The following CACNA1C variants were observed in gnomAD, a reference collection of about 807,000 sequenced individuals.
CACNA1C encodes the protein calcium voltage-gated channel subunit alpha1 C.
A neutral mutation model predicts 229.0 loss-of-function variants in CACNA1C; 30 were observed. The ratio of observed to expected loss-of-function variants is 0.13; its 90% CI spans 0.10 to 0.18. CACNA1C has a LOEUF of 0.18. Among genes scored for constraint, CACNA1C ranks in the 10% least tolerant of loss-of-function variants. The pLI is 1.00. For missense variants in CACNA1C, 1,658 were observed against 2,845.0 expected (o/e 0.58, Z 9.49); for synonymous variants, 1,114 against 1,132.5 (o/e 0.98, Z 0.33).
At chr12:2,230,124 G>C (rs1371299011) in intron 3 of CACNA1C, among the ~76,000 whole-genome samples, 1 of 149,942 alleles carries the variant, frequency 6.7e-6, no homozygotes, top group African/African-American at 2.5e-5. Context: ...CGCGGCCCTC[G>C]CTGACTGTGC....
Position 2,215,862 on chromosome 12 carries a change from AAC to A in CACNA1C, c.477+95435_477+95436del, listed in dbSNP as rs898274576. On this transcript the variant is annotated intron_variant, in intron 3 of 46. Coordinates refer to ENST00000399655, the MANE Select transcript of CACNA1C (RefSeq NM_000719.7). The surrounding 1 kb of genome is among the most constrained non-coding windows in gnomAD (Gnocchi z 5.0). ...AGCTGATGGCGAATCTGTGTCCTAGAACACGCCCTGCTGCCACCAGTGTGACA... is the reference window on the plus strand; with the variant it reads ...AGCTGATGGCGAATCTGTGTCCTAGAACGCCCTGCTGCCACCAGTGTGACA... 2.6e-5 allele frequency among the ~76,000 whole-genome samples: 4 copies of A among 152,162 alleles called. No homozygotes were observed. Among genetic ancestry groups the A allele is most frequent in the African/African-American group, 9.7e-5 (4 of 41,444 alleles).
At position 1,976,286 on chromosome 12, in the gene CACNA1C, A is replaced by G. The variant is rs182741371; in HGVS notation, c.139+5085A>G. On this transcript the variant is annotated intron_variant, in intron 1 of 46. Coordinates refer to the CACNA1C transcript ENST00000682462. ...GCAATGGTGCATAATAAATAGATCAATTTTTCAGTCGGAATGGCAAAGGAG... is the reference window on the plus strand; with the variant it reads ...GCAATGGTGCATAATAAATAGATCAGTTTTTCAGTCGGAATGGCAAAGGAG... 2.5e-3 allele frequency among the ~76,000 whole-genome samples: 376 copies of G among 152,310 alleles called. 7 individuals carry two copies. The highest frequency in any genetic ancestry group is 1.2e-3 in the Non-Finnish European group (85 of 68,018).
chr12:2,173,533 T>C (rs911406071), intron 3 of CACNA1C, among the ~76,000 whole-genome samples: 1 of 152,182 alleles, frequency 6.6e-6, no homozygotes, highest in Non-Finnish European at 1.5e-5. Context: ...CTATGAGATG[T>C]ATAATCACCC....
At chr12:2,645,263 G>T (rs2094212052) in intron 30 of CACNA1C, among the ~76,000 whole-genome samples, 2 of 152,156 alleles carry the variant, frequency 1.3e-5, no homozygotes, top group Admixed American at 1.3e-4. Flanking sequence ...TGTCTTCAGG[G>T]AATCCTACGG....
intron 30 of CACNA1C, among the ~76,000 whole-genome samples, chr12:2,642,761 ATTC>A (rs1279962154): frequency 6.6e-6 from 1 of 152,086 alleles, no homozygotes; most frequent in African/African-American, 2.4e-5. Context: ...TCATTCGTTT[ATTC>A]TTCATGGGCT....
chr12:2,549,339 T>G (rs2099891490), intron 9 of CACNA1C, among the ~76,000 whole-genome samples: 1 of 152,164 alleles, frequency 6.6e-6, no homozygotes, highest in African/African-American at 2.4e-5. Context: ...AGGGCTAGCT[T>G]GAATCTTAGT....
intron 39 of CACNA1C, 104 bp from the exon 40 acceptor site, chr12:2,676,990 T>C: frequency 1.1e-6 from 1 of 934,986 alleles, no homozygotes; most frequent in Non-Finnish European, 1.7e-6. Flanking sequence ...TCCAAAAATA[T>C]TAAAGTTTTA....
Position 2,693,393 on chromosome 12 carries a change from C to T in CACNA1C, c.*2194C>T, listed in dbSNP as rs1208590598. 6.6e-6 allele frequency: 1 copy of T among 152,140 alleles called. No individual in the cohort carries two copies. The highest frequency in any genetic ancestry group is 2.4e-5 in the African/African-American group (1 of 41,420). 9.4% of individuals were successfully genotyped at this position (152,140 alleles called of 1,614,324 possible). The stretch of plus-strand genomic sequence containing the variant: ...CTTCCTTAGGAAAGTGTACACTAAC[C>T]GGGAGGATAAAATTAAAGTCAGGCT... On this transcript the variant is annotated 3_prime_UTR_variant, in exon 47 of 47. Coordinates refer to ENST00000399655, the MANE Select transcript of CACNA1C (RefSeq NM_000719.7).
intron 3 of CACNA1C, among the ~76,000 whole-genome samples, chr12:2,360,156 A>ACCCCCCCCCCCCCCCCCCCC (rs796441635): frequency 1.8e-5 from 1 of 57,020 alleles, no homozygotes; most frequent in Non-Finnish European, 3.4e-5. Context: ...AACACACCCC[A>ACCCCCCCCCCCCCCCCCCCC]CCCCCCCCCA....
chr12:2,159,945 C>T (rs1052995397), intron 3 of CACNA1C, among the ~76,000 whole-genome samples: 7 of 152,214 alleles, frequency 4.6e-5, no homozygotes, highest in South Asian at 2.1e-4. Context: ...CCTGTGTTGT[C>T]CATTCATTTA....
intron 1 of CACNA1C, among the ~76,000 whole-genome samples, chr12:2,092,160 G>A (rs930040416): frequency 2.0e-5 from 3 of 152,170 alleles, no homozygotes; most frequent in African/African-American, 7.2e-5. Flanking sequence ...ATTCAAAGGA[G>A]GACAGGAATA....
At position 2,632,798 on chromosome 12, in the gene CACNA1C, A is replaced by G. The variant is rs979736452; in HGVS notation, c.3829-1499A>G. On this transcript the variant is annotated intron_variant, in intron 29 of 46. Coordinates refer to ENST00000399655, the MANE Select transcript of CACNA1C (RefSeq NM_000719.7). The surrounding 1 kb of genome is among the most constrained non-coding windows in gnomAD (Gnocchi z 4.1). The stretch of plus-strand genomic sequence containing the variant: ...CTGCATTCAGCAGGACCCTACCTCC[A>G]AATGACCATGAAAGAACCTGGGGAG... Among the ~76,000 whole-genome samples, 27 of 152,106 alleles carry G rather than the reference A, an allele frequency of 1.8e-4. 2 individuals are homozygous for G. Among genetic ancestry groups the G allele is most frequent in the Non-Finnish European group, 7.4e-5 (5 of 68,024 alleles).
intron 3 of CACNA1C, among the ~76,000 whole-genome samples, chr12:2,170,457 A>T (rs1257962440): frequency 6.6e-6 from 1 of 152,256 alleles, no homozygotes; most frequent in East Asian, 1.9e-4. Context: ...TGGTTGACTG[A>T]GCCAAGTTTG....
chr12:2,504,565 T>C lies in CACNA1C; in HGVS notation c.1114-277T>C. The C allele has an allele frequency of 1.5e-6, 2 of 1,358,620 alleles. No homozygotes were observed. The highest frequency in any genetic ancestry group is 2.1e-6 in the Non-Finnish European group (2 of 947,050). 84.2% of individuals were successfully genotyped at this position (1,358,620 alleles called of 1,614,324 possible). A position where few individuals can be genotyped will look rare whatever the true frequency, so the allele number is the denominator to read the frequency against. On this transcript the variant is annotated intron_variant, in intron 7 of 46. Coordinates refer to ENST00000399655, the MANE Select transcript of CACNA1C (RefSeq NM_000719.7). This position sits in a 1 kb window ranked among gnomAD's most constrained non-coding sequence, Gnocchi z 6.8. ...GTAAGCTGACCGTTTCTATGTCCTC[T>C]CCACAACGCAGCCGAGCAAGGTCTC...
intron 1 of CACNA1C, among the ~76,000 whole-genome samples, chr12:1,990,337 C>G (rs760322125): frequency 6.6e-6 from 1 of 152,124 alleles, no homozygotes. Flanking sequence ...TTTTAAAGTT[C>G]ATACAGGTCA....
intron 3 of CACNA1C, among the ~76,000 whole-genome samples, chr12:2,264,645 G>A (rs967369096): frequency 6.6e-6 from 1 of 152,186 alleles, no homozygotes; most frequent in Non-Finnish European, 1.5e-5. Flanking sequence ...TTTACTGCCC[G>A]ATCAGGGTTT....
At chr12:2,429,486 T>G (rs2099062894) in intron 3 of CACNA1C, among the ~76,000 whole-genome samples, 1 of 152,152 alleles carries the variant, frequency 6.6e-6, no homozygotes, top group African/African-American at 2.4e-5. Flanking sequence ...AAAACTTAGG[T>G]ATAAGCCCAG....
At chr12:2,578,246 G>A (rs1296035537) in intron 13 of CACNA1C, among the ~76,000 whole-genome samples, 1 of 152,232 alleles carries the variant, frequency 6.6e-6, no homozygotes, top group Non-Finnish European at 1.5e-5. Context: ...AGCTGAAGGG[G>A]TGAGCTCCAC....
In CACNA1C at chr12:2,654,848, T is replaced by TCG. The variant is rs1316310492; in HGVS notation, c.4141-298_4141-297insGC. Among the ~76,000 whole-genome samples the TCG allele has an allele frequency of 6.6e-6, 1 of 152,188 alleles. No homozygotes were observed. The highest frequency in any genetic ancestry group is 2.4e-5 in the African/African-American group (1 of 41,450). On this transcript the variant is annotated intron_variant, in intron 33 of 46. Transcript: ENST00000399655. The surrounding 1 kb of genome is among the most constrained non-coding windows in gnomAD (Gnocchi z 4.4). Reference sequence around the variant, plus strand: ...ATAACGCAGTGCGTCCTGTGTCCTGTCAGAAGCAGGATCCCGGTCCCAGCA... The same window carrying TCG: ...ATAACGCAGTGCGTCCTGTGTCCTGTCGCAGAAGCAGGATCCCGGTCCCAGCA...
Sources: allele counts gnomAD v4.1 joint callset (sites outside exome capture counted in the v4.1 genomes callset), GRCh38; gene constraint gnomAD v4.1.1; non-coding constraint Gnocchi (gnomAD v3.1); transcripts MANE v1.5; gene names NCBI Gene and HGNC (gene_info 2026-07-23, HGNC 2026-07-21).